NCAM2: variants seen among roughly 807,000 people sequenced by gnomAD.
NCAM2 encodes the protein N-CAM-2.
In NCAM2, 30 loss-of-function variants were observed where a neutral mutation model predicts 98.1. The ratio of observed to expected loss-of-function variants is 0.31; its 90% CI spans 0.23 to 0.41. The LOEUF (loss-of-function observed/expected upper bound fraction) is 0.41. NCAM2 is among the 10% of genes least tolerant of loss of function. NCAM2 has a pLI of 1.00. For missense variants in NCAM2, 867 were observed against 1,005.8 expected (o/e 0.86, Z 1.87); for synonymous variants, 368 against 342.4 (o/e 1.07, Z -0.83).
intron 1 of NCAM2, chr21:21,239,271 G>C (rs1437225048): frequency 6.6e-6 from 1 of 152,162 alleles, no homozygotes; most frequent in East Asian, 1.9e-4. Flanking sequence ...TGGAAAGGCA[G>C]AGAGCGCCTC....
At chr21:21,016,339 A>G (rs766272834) in intron 1 of NCAM2, among the ~76,000 whole-genome samples, 1 of 152,192 alleles carries the variant, frequency 6.6e-6, no homozygotes, top group East Asian at 1.9e-4. Context: ...AATGCAAACA[A>G]TATCAAAGCC....
At chr21:21,034,529 T>C (rs904285660) in intron 1 of NCAM2, among the ~76,000 whole-genome samples, 1 of 152,208 alleles carries the variant, frequency 6.6e-6, no homozygotes, top group South Asian at 2.1e-4. Flanking sequence ...CAAGGTGTCT[T>C]CCTTCAGTTT....
chr21:20,999,624 C>T (rs897766821), intron 1 of NCAM2, among the ~76,000 whole-genome samples: 14 of 152,086 alleles, frequency 9.2e-5, no homozygotes, highest in African/African-American at 2.7e-4. Context: ...GTAATGATTG[C>T]AAAGAATGTT....
At chr21:21,330,751 C>T (rs979084022) in intron 6 of NCAM2, among the ~76,000 whole-genome samples, 3 of 151,838 alleles carry the variant, frequency 2.0e-5, no homozygotes, top group African/African-American at 7.3e-5. Context: ...CATTTATTCA[C>T]GTAGATCAGT....
intron 16 of NCAM2, among the ~76,000 whole-genome samples, chr21:21,511,612 G>A (rs937188105): frequency 6.6e-6 from 1 of 151,802 alleles, no homozygotes; most frequent in African/African-American, 2.4e-5. Flanking sequence ...ATACCAAGCA[G>A]AGGAATCACT....
intron 7 of NCAM2, among the ~76,000 whole-genome samples, chr21:21,336,744 A>G (rs1180066225): frequency 1.3e-5 from 2 of 152,194 alleles, no homozygotes; most frequent in East Asian, 3.9e-4. Context: ...GTGGAGTGAC[A>G]AGGAGAATAA....
chr21:21,328,548 G>C (rs1369245878), intron 6 of NCAM2, among the ~76,000 whole-genome samples: 1 of 150,756 alleles, frequency 6.6e-6, no homozygotes, highest in Non-Finnish European at 1.5e-5. Flanking sequence ...CTGACCCTGA[G>C]TCGGCCGAGG....
intron 1 of NCAM2, among the ~76,000 whole-genome samples, chr21:21,245,302 G>T (rs1273731049): frequency 6.6e-6 from 1 of 152,050 alleles, no homozygotes; most frequent in Admixed American, 6.6e-5. Context: ...TAACTCCCTT[G>T]TAATTCCACA....
chr21:21,528,480 C>A (rs977324664), intron 16 of NCAM2, among the ~76,000 whole-genome samples: 6 of 151,970 alleles, frequency 3.9e-5, no homozygotes, highest in African/African-American at 1.5e-4. Context: ...GTATCTCCCT[C>A]TCAATTTTGC....
chr21:21,483,843 G>A (rs1303345825), intron 15 of NCAM2, among the ~76,000 whole-genome samples: 3 of 152,034 alleles, frequency 2.0e-5, no homozygotes, highest in South Asian at 2.1e-4. Context: ...TCTGGAGTTT[G>A]CTTATGGCCA....
intron 1 of NCAM2, among the ~76,000 whole-genome samples, chr21:21,191,390 C>T (rs1236557186): frequency 6.6e-6 from 1 of 152,156 alleles, no homozygotes; most frequent in Non-Finnish European, 1.5e-5. Flanking sequence ...CATATTCAAG[C>T]ATGTAGCAAT....
intron 5 of NCAM2, among the ~76,000 whole-genome samples, chr21:21,317,929 A>G (rs2147762452): frequency 6.6e-6 from 1 of 152,310 alleles, no homozygotes; most frequent in Non-Finnish European, 1.5e-5. Context: ...TTGACATAAA[A>G]CAGGTGAATT....
At chr21:21,528,272 G>A (rs963128454) in intron 16 of NCAM2, among the ~76,000 whole-genome samples, 4 of 152,118 alleles carry the variant, frequency 2.6e-5, no homozygotes, top group Non-Finnish European at 4.4e-5. Context: ...ATAATTGTGA[G>A]AAAATGTCAT....
rs568750409 is a variant in NCAM2 at position 21,216,950 on chromosome 21, T to G, written c.56-63628T>G. Among the ~76,000 whole-genome samples, 3 of 150,366 alleles carry G rather than the reference T, an allele frequency of 2.0e-5. No individual in the cohort carries two copies. In the South Asian group the frequency reaches 6.2e-4, roughly 31 times the overall value. On this transcript the variant is annotated intron_variant, in intron 1 of 17. Coordinates refer to ENST00000400546, the MANE Select transcript of NCAM2 (RefSeq NM_004540.5). ...AGCTTGGAAACCTTGGTTGAAGTTTTGTCTGTTAACTCAGGGCAAGTGATT... is the reference window on the plus strand; with the variant it reads ...AGCTTGGAAACCTTGGTTGAAGTTTGGTCTGTTAACTCAGGGCAAGTGATT...
intron 1 of NCAM2, among the ~76,000 whole-genome samples, chr21:21,158,761 A>G (rs1456372887): frequency 1.3e-5 from 2 of 152,188 alleles, no homozygotes; most frequent in Non-Finnish European, 2.9e-5. Context: ...TCATAGAAAA[A>G]TATAGCACAT....
chr21:21,252,929 G>A (rs2071527246), intron 1 of NCAM2, among the ~76,000 whole-genome samples: 1 of 152,000 alleles, frequency 6.6e-6, no homozygotes, highest in Admixed American at 6.6e-5. Flanking sequence ...AACATCCGAA[G>A]CATTATCATA....
intron 1 of NCAM2, among the ~76,000 whole-genome samples, chr21:21,188,247 A>G (rs1416764206): frequency 6.6e-6 from 1 of 152,188 alleles, no homozygotes; most frequent in Non-Finnish European, 1.5e-5. Context: ...GCAAATAACT[A>G]TTTAGATATA....
chr21:21,220,666 T>C (rs2070110656), intron 1 of NCAM2, among the ~76,000 whole-genome samples: 1 of 152,176 alleles, frequency 6.6e-6, no homozygotes, highest in African/African-American at 2.4e-5. Flanking sequence ...TCTATTTCAA[T>C]TCCAGTAATT....
At chr21:21,019,008 G>A (rs115200749) in intron 1 of NCAM2, among the ~76,000 whole-genome samples, 1,525 of 152,332 alleles carry the variant, frequency 0.01, 30 homozygotes, top group African/African-American at 0.035. Flanking sequence ...CTGGCTGAAT[G>A]GTTGGATGCT....
Sources: allele counts gnomAD v4.1 joint callset (sites outside exome capture counted in the v4.1 genomes callset), GRCh38; gene constraint gnomAD v4.1.1; transcripts MANE v1.5; gene names NCBI Gene and HGNC (gene_info 2026-07-23, HGNC 2026-07-21).